Variants in TINAG observed in about 807,000 individuals in gnomAD.
TINAG encodes tubulointerstitial nephritis antigen.
A neutral mutation model predicts 72.7 loss-of-function variants in TINAG; 83 were observed. That is an observed-to-expected ratio of 1.14 (90% CI 0.96 to 1.37). The LOEUF (loss-of-function observed/expected upper bound fraction) is 1.37. Among genes scored for constraint, TINAG ranks in the 40% most tolerant of loss-of-function variants. TINAG has a pLI of 0.00. For synonymous variants in TINAG, 234 were observed against 189.9 expected (o/e 1.23, Z -1.91); for missense variants, 685 against 576.6 (o/e 1.19, Z -1.93).
intron 1 of TINAG, among the ~76,000 whole-genome samples, chr6:54,317,356 G>C (rs1218582815): frequency 2.6e-5 from 4 of 152,044 alleles, no homozygotes; most frequent in South Asian, 2.1e-4. Context: ...ATTCTCACCT[G>C]TCATGGGAGG....
chr6:54,349,825 C>G lies in TINAG; in HGVS notation c.1009C>G (p.Pro337Ala), dbSNP rs149997439. The change falls in exon 7 of 11, where the codon CCA (proline) becomes GCA (alanine). Residue 337 changes from proline to alanine, a missense_variant. Coordinates refer to ENST00000259782, the MANE Select transcript of TINAG (RefSeq NM_014464.4). ...GCGAGGAAAACGGCATGCCACGAAG[C>G]CATGTCCCAACAACGTAGAAAAATC... ...DGRGKRHATK[P>A]CPNNVEKSNR... is the part of the protein sequence containing the mutation. The G allele has an allele frequency of 9.6e-4, 1,547 of 1,610,644 alleles. 4 individuals carry two copies. Among genetic ancestry groups the G allele is most frequent in the African/African-American group, 7.5e-3 (558 of 74,862 alleles).
At chr6:54,344,140 C>T (rs943665244) in intron 5 of TINAG, among the ~76,000 whole-genome samples, 3 of 152,128 alleles carry the variant, frequency 2.0e-5, no homozygotes, top group Non-Finnish European at 4.4e-5. Context: ...GTAATTTCAA[C>T]AGTGTTCAAA....
intron 9 of TINAG, among the ~76,000 whole-genome samples, chr6:54,373,679 G>A (rs1312156818): frequency 2.0e-5 from 3 of 152,020 alleles, no homozygotes; most frequent in Non-Finnish European, 4.4e-5. Context: ...GCAAATAAAT[G>A]AGCACGAATA....
At chr6:54,384,632 C>A (rs1006605253) in intron 10 of TINAG, among the ~76,000 whole-genome samples, 2 of 152,020 alleles carry the variant, frequency 1.3e-5, no homozygotes, top group Non-Finnish European at 2.9e-5. Flanking sequence ...GAATTTTATA[C>A]ATGGTGACAT....
At chr6:54,310,769 T>C (rs1421877725) in intron 1 of TINAG, among the ~76,000 whole-genome samples, 1 of 149,208 alleles carries the variant, frequency 6.7e-6, no homozygotes, top group East Asian at 2.0e-4. Flanking sequence ...TTCTCTCTCT[T>C]TCTCTCCCTT....
chr6:54,320,437 G>C (rs1050051577), intron 1 of TINAG, 142 bp from the exon 2 acceptor site: 1 of 581,572 alleles, frequency 1.7e-6, no homozygotes, highest in African/African-American at 1.9e-5. Flanking sequence ...ACACAAACCT[G>C]ACATGGATTT....
At chr6:54,357,758 A>G (rs569666750) in intron 9 of TINAG, among the ~76,000 whole-genome samples, 1 of 152,016 alleles carries the variant, frequency 6.6e-6, no homozygotes, top group East Asian at 1.9e-4. Context: ...TACCTGGATT[A>G]CTGAAGTAGC....
chr6:54,354,434 T>A (rs1785342041), intron 8 of TINAG, 79 bp from the exon 9 acceptor site: 2 of 1,357,080 alleles, frequency 1.5e-6, no homozygotes, highest in Non-Finnish European at 2.0e-6. Context: ...ACCCATTGGT[T>A]GTTCCGTGAA....
chr6:54,367,618 G>C (rs957455197), intron 9 of TINAG, among the ~76,000 whole-genome samples: 5 of 151,700 alleles, frequency 3.3e-5, no homozygotes, highest in African/African-American at 1.2e-4. Context: ...AAAGGCGAAC[G>C]TGTTAATTAT....
intron 4 of TINAG, among the ~76,000 whole-genome samples, chr6:54,336,715 T>A (rs1365694160): frequency 6.6e-6 from 1 of 152,184 alleles, no homozygotes; most frequent in African/African-American, 2.4e-5. Flanking sequence ...GGAGACTAAT[T>A]AGGTTACTAA....
In TINAG at chr6:54,308,884, A is replaced by G. The variant is rs1784175302; in HGVS notation, c.334A>G (p.Thr112Ala). 1 of 1,611,962 alleles carries G rather than the reference A, an allele frequency of 6.2e-7. No individual in the cohort carries two copies. The highest frequency in any genetic ancestry group is 1.3e-5 in the African/African-American group (1 of 75,012). ...TGAAGAGAAAGAATGGCCTCCTCAC[A>G]CACAGCCTTGGTATCCAGAAGGTAG... is the stretch of plus-strand genomic sequence containing the variant. ...CREEKEWPPH[T>A]QPWYPEGCFK... The change falls in exon 1 of 11, where the codon ACA becomes GCA. Residue 112 changes from threonine to alanine, a missense_variant. Thr to Ala is a moderately conservative substitution (Grantham distance 58). Transcript: ENST00000259782.
chr6:54,343,368 T>G lies in TINAG; in HGVS notation c.748+19T>G, dbSNP rs1228358145. The G allele has an allele frequency of 6.7e-7, 1 of 1,499,448 alleles. No homozygotes were observed. The highest frequency in any genetic ancestry group is 1.4e-5 in the African/African-American group (1 of 71,182). 92.9% of individuals were successfully genotyped at this position (1,499,448 alleles called of 1,614,324 possible). On this transcript the variant is annotated intron_variant, in intron 5 of 10. Transcript: ENST00000259782. ...ACTGCAAGTAATAAAGTCATTTTAA[T>G]TCCTTCCTTATAAACTACTCCTTTT...
Position 54,348,525 on chromosome 6 carries a change from G to A in TINAG, c.899+1008G>A, listed in dbSNP as rs938646796. On this transcript the variant is annotated intron_variant, in intron 6 of 10. Coordinates refer to ENST00000259782, the MANE Select transcript of TINAG (RefSeq NM_014464.4). The stretch of plus-strand genomic sequence containing the variant: ...GTGGAGGCTGCAAAATCCAGGACCA[G>A]GCTGATTTGGTTCTTGGTGAGGGCT... Among the ~76,000 whole-genome samples, 12 of 152,100 alleles carry A rather than the reference G, an allele frequency of 7.9e-5. 1 individual carries two copies. The highest frequency in any genetic ancestry group is 2.7e-4 in the African/African-American group (11 of 41,442).
upstream of TINAG, chr6:54,308,247 C>T (rs1784156305): frequency 1.2e-6 from 1 of 830,072 alleles, no homozygotes; most frequent in Non-Finnish European, 1.9e-6. Flanking sequence ...GTCAATGTAT[C>T]TCTATGCATA....
At chr6:54,341,446 G>T (rs760260855) in intron 4 of TINAG, among the ~76,000 whole-genome samples, 2 of 152,088 alleles carry the variant, frequency 1.3e-5, no homozygotes, top group Non-Finnish European at 2.9e-5. Context: ...ACTTCACAAT[G>T]ATCTGCTTGA....
At chr6:54,360,839 G>GTTTTTTT (rs773926586) in intron 9 of TINAG, among the ~76,000 whole-genome samples, 4 of 16,924 alleles carry the variant, frequency 2.4e-4, no homozygotes, top group African/African-American at 3.4e-4. Context: ...CACAGATACT[G>GTTTTTTT]TGTTTTTTTT....
At chr6:54,338,127 G>A (rs1341463550) in intron 4 of TINAG, among the ~76,000 whole-genome samples, 2 of 152,150 alleles carry the variant, frequency 1.3e-5, no homozygotes, top group African/African-American at 2.4e-5. Context: ...CAGAATGAAT[G>A]TCTTATCTCT....
rs72959318 is a variant in TINAG, at chr6:54,353,496, G to C, written c.1127-1017G>C. 2.5e-3 allele frequency among the ~76,000 whole-genome samples: 380 copies of C among 151,942 alleles called. 2 individuals are homozygous for C. Among genetic ancestry groups the C allele is most frequent in the Non-Finnish European group, 4.5e-3 (302 of 67,818 alleles). Reference sequence around the variant, plus strand: ...GGATTGAAAATAAGTATAGGTGATGGATAGAGAACAAAAGCAGAGATCTGC... The same window carrying C: ...GGATTGAAAATAAGTATAGGTGATGCATAGAGAACAAAAGCAGAGATCTGC... On this transcript the variant is annotated intron_variant, in intron 8 of 10. Transcript: ENST00000259782.
intron 5 of TINAG, among the ~76,000 whole-genome samples, chr6:54,345,150 T>A (rs1161180654): frequency 6.6e-6 from 1 of 152,132 alleles, no homozygotes; most frequent in Non-Finnish European, 1.5e-5. Flanking sequence ...ATAGAGTGTG[T>A]CTCAGAGGTA....
Sources: gnomAD v4.1 joint callset for allele counts (sites outside exome capture counted in the v4.1 genomes callset) on GRCh38, gnomAD v4.1.1 for gene constraint, MANE v1.5 for transcripts, NCBI Gene and HGNC (gene_info 2026-07-23, HGNC 2026-07-21) for gene names.